Variants in GPC6 observed in about 807,000 individuals in gnomAD.
GPC6 encodes glypican 6, also known as glypican-6.
GPC6 carries 14 observed loss-of-function variants against 55.2 expected under a neutral mutation model. The observed-to-expected ratio is 0.25, with a 90% CI of 0.17 to 0.40. GPC6 has a LOEUF of 0.40. Ranked by LOEUF, GPC6 falls within the 10% of genes least tolerant of loss-of-function variation. The probability of loss-of-function intolerance (pLI) is 1.00; values close to 1 mark genes in which losing one functional copy is unlikely to be tolerated. For missense variants in GPC6, 641 were observed against 708.5 expected (o/e 0.90, Z 1.08); for synonymous variants, 278 against 259.6 (o/e 1.07, Z -0.68).
At chr13:93,613,163 A>G (rs1878558866) in intron 2 of GPC6, among the ~76,000 whole-genome samples, 1 of 152,330 alleles carries the variant, frequency 6.6e-6, no homozygotes, top group South Asian at 2.1e-4. Context: ...TGAAAGTTGC[A>G]TTGGCCCCCT....
At chr13:93,456,083 T>C (rs1220348086) in intron 1 of GPC6, among the ~76,000 whole-genome samples, 1 of 152,190 alleles carries the variant, frequency 6.6e-6, no homozygotes, top group Non-Finnish European at 1.5e-5. Flanking sequence ...GAGGCAACCT[T>C]GTGCGAGGGC....
At chr13:94,391,398 G>A (rs377572318) in intron 7 of GPC6, among the ~76,000 whole-genome samples, 3 of 152,140 alleles carry the variant, frequency 2.0e-5, no homozygotes, top group Admixed American at 6.5e-5. Flanking sequence ...AGGTGACCCA[G>A]TCATACATAG....
intron 1 of GPC6, among the ~76,000 whole-genome samples, chr13:93,323,274 T>C (rs1359836884): frequency 1.3e-5 from 2 of 152,204 alleles, no homozygotes; most frequent in Non-Finnish European, 2.9e-5. Context: ...GATAGCATCA[T>C]TGATGACACA....
chr13:94,302,199 A>G (rs559740040), intron 5 of GPC6, among the ~76,000 whole-genome samples: 5 of 152,322 alleles, frequency 3.3e-5, no homozygotes, highest in African/African-American at 1.2e-4. Context: ...CTTATGAAAA[A>G]CAGAAATTTA....
At chr13:93,929,753 GATTAA>G (rs1380227189) in intron 3 of GPC6, among the ~76,000 whole-genome samples, 1 of 150,478 alleles carries the variant, frequency 6.6e-6, no homozygotes, top group Admixed American at 6.6e-5. Flanking sequence ...AAAAAAAACA[GATTAA>G]ATTAATTTAA....
intron 4 of GPC6, among the ~76,000 whole-genome samples, chr13:94,214,684 T>G (rs922517307): frequency 4.6e-5 from 7 of 152,170 alleles, no homozygotes; most frequent in African/African-American, 1.7e-4. Context: ...ATGGAAGAAC[T>G]GTTTTATAGT....
chr13:94,239,863 C>G (rs1891000486), intron 4 of GPC6, among the ~76,000 whole-genome samples: 1 of 152,112 alleles, frequency 6.6e-6, no homozygotes, highest in South Asian at 2.1e-4. Flanking sequence ...AAGATCAGCT[C>G]TATTCGCCTT....
At chr13:94,349,918 T>C (rs1318504514) in intron 6 of GPC6, among the ~76,000 whole-genome samples, 1 of 152,132 alleles carries the variant, frequency 6.6e-6, no homozygotes, top group African/African-American at 2.4e-5. Flanking sequence ...ACGAACAAAA[T>C]TTCCCGAAAT....
rs1566502262 is a variant in GPC6, at chr13:93,718,575, AGTTTATTTTG to A, written c.320-111578_320-111569del. 6.6e-5 allele frequency among the ~76,000 whole-genome samples: 10 copies of A among 151,996 alleles called. No homozygotes were observed. The South Asian group carries it at 1.7e-3, about 25-fold the overall frequency. On this transcript the variant is annotated intron_variant, in intron 2 of 8. Transcript: ENST00000377047. ...TAGGTTGTCTGTTCACTCTGATGAT[AGTTTATTTTG>A]CTGTACAGAAGCTCTTTAGTTTAAT... is the stretch of plus-strand genomic sequence containing the variant.
At chr13:93,554,453 T>C (rs74108595) in intron 2 of GPC6, among the ~76,000 whole-genome samples, 6,027 of 152,250 alleles carry the variant, frequency 0.04, 398 homozygotes, top group African/African-American at 0.14. Flanking sequence ...TGAGGCTTAA[T>C]CTTTAAATCT....
chr13:94,261,365 A>G (rs554392211), intron 4 of GPC6, among the ~76,000 whole-genome samples: 5 of 152,290 alleles, frequency 3.3e-5, no homozygotes, highest in Admixed American at 1.3e-4. Context: ...AGAGGAAGCT[A>G]TTTGAAGAAT....
intron 3 of GPC6, among the ~76,000 whole-genome samples, chr13:93,939,559 A>G (rs1037450594): frequency 1.1e-4 from 16 of 152,018 alleles, no homozygotes; most frequent in African/African-American, 1.7e-4. Context: ...TTTTTTTTCA[A>G]TTATTTATCT....
intron 2 of GPC6, among the ~76,000 whole-genome samples, chr13:93,792,720 A>G (rs1475776530): frequency 6.6e-6 from 1 of 152,216 alleles, no homozygotes; most frequent in Non-Finnish European, 1.5e-5. Context: ...AAGGGAAGGG[A>G]GTACTCAAGC....
chr13:93,488,225 T>C (rs2139351275), intron 1 of GPC6, among the ~76,000 whole-genome samples: 1 of 152,234 alleles, frequency 6.6e-6, no homozygotes, highest in African/African-American at 2.4e-5. Context: ...TGGTGTTTGG[T>C]TTTTTGTCCT....
At chr13:93,324,344 A>G (rs1284602638) in intron 1 of GPC6, among the ~76,000 whole-genome samples, 2 of 151,916 alleles carry the variant, frequency 1.3e-5, no homozygotes, top group African/African-American at 4.8e-5. Flanking sequence ...AAAAAGATAG[A>G]AAGAATGAAT....
intron 1 of GPC6, among the ~76,000 whole-genome samples, chr13:93,501,275 T>C: frequency 6.6e-6 from 1 of 152,020 alleles, no homozygotes; most frequent in African/African-American, 2.4e-5. Flanking sequence ...TTCAGACTCC[T>C]CTAAAGAGAA....
At chr13:93,340,246 G>T (rs1252921105) in intron 1 of GPC6, among the ~76,000 whole-genome samples, 1 of 151,926 alleles carries the variant, frequency 6.6e-6, no homozygotes, top group Non-Finnish European at 1.5e-5. Flanking sequence ...GTGTTAGCCA[G>T]GTTGGTCTGG....
chr13:93,840,349 G>A (rs916745151), intron 3 of GPC6, among the ~76,000 whole-genome samples: 2 of 152,054 alleles, frequency 1.3e-5, no homozygotes, highest in Non-Finnish European at 2.9e-5. Context: ...ACCTAGAAGA[G>A]ATGGATAAAT....
intron 2 of GPC6, among the ~76,000 whole-genome samples, chr13:93,568,200 T>C (rs1876230445): frequency 1.3e-5 from 2 of 152,230 alleles, no homozygotes; most frequent in Non-Finnish European, 2.9e-5. Context: ...ACTTACCAAG[T>C]AATAGGCTGC....
Sources: allele counts gnomAD v4.1 joint callset (sites outside exome capture counted in the v4.1 genomes callset), GRCh38; gene constraint gnomAD v4.1.1; transcripts MANE v1.5; gene names NCBI Gene and HGNC (gene_info 2026-07-23, HGNC 2026-07-21).